Variants in REDIC1 observed in about 807,000 individuals in gnomAD.
REDIC1 encodes the protein HEI10 Interacting Protein 1.
At chr12:39,675,678 C>T in the REDIC1 span, among the ~76,000 whole-genome samples, 1 of 152,218 alleles carries the variant, frequency 6.6e-6, no homozygotes, top group Non-Finnish European at 1.5e-5. Context: ...AAAACTACAA[C>T]CAAGGACTCC....
the REDIC1 span, among the ~76,000 whole-genome samples, chr12:39,833,560 A>C: frequency 1.3e-5 from 2 of 152,000 alleles, no homozygotes; most frequent in Non-Finnish European, 2.9e-5. Context: ...GCAGAACTTC[A>C]TGTTTGGCTC....
chr12:39,778,157 G>A, the REDIC1 span, among the ~76,000 whole-genome samples: 1 of 152,136 alleles, frequency 6.6e-6, no homozygotes, highest in Non-Finnish European at 1.5e-5. Flanking sequence ...CTGCGAGGGG[G>A]ACAAGAGACC....
the REDIC1 span, among the ~76,000 whole-genome samples, chr12:39,665,431 T>C: frequency 2.0e-5 from 3 of 151,804 alleles, no homozygotes; most frequent in Non-Finnish European, 4.4e-5. Context: ...CATTGTTCTA[T>C]ATCTCTGTTT....
At chr12:39,741,817 G>C in the REDIC1 span, among the ~76,000 whole-genome samples, 4 of 152,160 alleles carry the variant, frequency 2.6e-5, no homozygotes, top group Non-Finnish European at 5.9e-5. Context: ...TCTAAAACTT[G>C]AGGTCAGCGG....
chr12:39,860,987 T>G, the REDIC1 span, among the ~76,000 whole-genome samples: 2 of 152,214 alleles, frequency 1.3e-5, no homozygotes, highest in African/African-American at 4.8e-5. Context: ...CCTCTGAGGC[T>G]CTACATGATT....
At chr12:39,901,029 A>G in the REDIC1 span, among the ~76,000 whole-genome samples, 5 of 152,190 alleles carry the variant, frequency 3.3e-5, no homozygotes, top group Admixed American at 3.3e-4. Flanking sequence ...CTCAGAAATA[A>G]CACTGCATAT....
At chr12:39,649,229 T>C in the REDIC1 span, among the ~76,000 whole-genome samples, 1 of 151,908 alleles carries the variant, frequency 6.6e-6, no homozygotes. Flanking sequence ...TCAATCATAG[T>C]GTCACATCAT....
chr12:39,635,178 C>T, the REDIC1 span, among the ~76,000 whole-genome samples: 1 of 152,136 alleles, frequency 6.6e-6, no homozygotes, highest in Admixed American at 6.5e-5. Flanking sequence ...AATAGGAACA[C>T]TTTTACACTG....
chr12:39,777,964 A>G, the REDIC1 span, among the ~76,000 whole-genome samples: 15 of 152,314 alleles, frequency 9.8e-5, no homozygotes, highest in East Asian at 1.7e-3. Context: ...AACACGAGCT[A>G]CCTATGGATG....
At chr12:39,895,547 TATATAC>T in the REDIC1 span, among the ~76,000 whole-genome samples, 1 of 83,838 alleles carries the variant, frequency 1.2e-5, no homozygotes, top group African/African-American at 4.5e-5. Context: ...TATATATATA[TATATAC>T]ACACACACAC....
chr12:39,795,818 G>A, the REDIC1 span, among the ~76,000 whole-genome samples: 1 of 152,142 alleles, frequency 6.6e-6, no homozygotes, highest in African/African-American at 2.4e-5. Flanking sequence ...ATGGCTGAGG[G>A]AGGAAACTTC....
At chr12:39,868,100 A>T in the REDIC1 span, among the ~76,000 whole-genome samples, 1 of 152,218 alleles carries the variant, frequency 6.6e-6, no homozygotes, top group South Asian at 2.1e-4. Flanking sequence ...ATTTAAAATC[A>T]ATCTGGTTAT....
At chr12:39,739,137 A>T in the REDIC1 span, among the ~76,000 whole-genome samples, 3 of 152,312 alleles carry the variant, frequency 2.0e-5, no homozygotes, top group Admixed American at 2.0e-4. Context: ...AATTAATTTC[A>T]TCTGACTTTA....
At chr12:39,750,671 G>C in the REDIC1 span, among the ~76,000 whole-genome samples, 1 of 152,110 alleles carries the variant, frequency 6.6e-6, no homozygotes, top group Non-Finnish European at 1.5e-5. Flanking sequence ...ATACTACAAG[G>C]CTACAGTAAC....
At chr12:39,687,634 C>T in the REDIC1 span, among the ~76,000 whole-genome samples, 1 of 152,232 alleles carries the variant, frequency 6.6e-6, no homozygotes, top group African/African-American at 2.4e-5. Context: ...ATCTCCAACA[C>T]TGGGGATTAT....
the REDIC1 span, among the ~76,000 whole-genome samples, chr12:39,711,204 T>C: frequency 4.0e-5 from 6 of 151,230 alleles, no homozygotes; most frequent in Middle Eastern, 3.4e-3. Context: ...TTCCTTCCTT[T>C]TTATGGCTGC....
At chr12:39,813,472 A>G in the REDIC1 span, among the ~76,000 whole-genome samples, 2 of 152,334 alleles carry the variant, frequency 1.3e-5, no homozygotes, top group African/African-American at 4.8e-5. Flanking sequence ...CAAATTTCAG[A>G]TACCATATTT....
At chr12:39,756,493 G>T in the REDIC1 span, 1 of 151,692 alleles carries the variant, frequency 6.6e-6, no homozygotes, top group Non-Finnish European at 1.5e-5. Flanking sequence ...TTGTGCTGAT[G>T]AAATAAAACC....
the REDIC1 span, among the ~76,000 whole-genome samples, chr12:39,798,844 A>G: frequency 1.3e-3 from 195 of 152,120 alleles, 2 homozygotes; most frequent in African/African-American, 4.3e-3. Context: ...ATGTATAAAC[A>G]TATGTTAATG....
Sources: gnomAD v4.1 joint callset for allele counts (sites outside exome capture counted in the v4.1 genomes callset) on GRCh38, gnomAD v4.1.1 for gene constraint, MANE v1.5 for transcripts, NCBI Gene and HGNC (gene_info 2026-07-23, HGNC 2026-07-21) for gene names.